The following NETO1 variants were observed in gnomAD, a reference collection of about 807,000 sequenced individuals.
NETO1 encodes the protein neuropilin and tolloid like 1.
NETO1 carries 26 observed loss-of-function variants against 61.3 expected under a neutral mutation model. The observed-to-expected ratio is 0.42, with a 90% CI of 0.31 to 0.59. NETO1 has a LOEUF of 0.59. NETO1 is among the 20% of genes least tolerant of loss of function. The pLI is 0.12. For synonymous variants in NETO1, 225 were observed against 225.8 expected (o/e 1.00, Z 0.03); for missense variants, 531 against 662.8 (o/e 0.80, Z 2.18).
intron 4 of NETO1, among the ~76,000 whole-genome samples, chr18:72,841,330 A>C (rs1244694146): frequency 1.3e-5 from 2 of 152,028 alleles, no homozygotes; most frequent in African/African-American, 2.4e-5. Context: ...GTGAGAGAAG[A>C]AGCTGCACAG....
chr18:72,751,076 C>A (rs191406009), intron 8 of NETO1, among the ~76,000 whole-genome samples: 3 of 151,886 alleles, frequency 2.0e-5, no homozygotes, highest in African/African-American at 7.2e-5. Context: ...CACACACACA[C>A]AATCTATCTA....
At chr18:72,793,282 A>G (rs1223449013) in intron 6 of NETO1, among the ~76,000 whole-genome samples, 3 of 152,162 alleles carry the variant, frequency 2.0e-5, no homozygotes, top group Non-Finnish European at 4.4e-5. Context: ...AAACCAAAAC[A>G]GGAGAATGAA....
intron 10 of NETO1, 30 bp downstream of exon 10, chr18:72,748,984 T>A: frequency 7.2e-7 from 1 of 1,394,024 alleles, no homozygotes; most frequent in Non-Finnish European, 1.0e-6. Context: ...TACGACAAAG[T>A]AGGAAAAGGA....
chr18:72,809,604 T>G (rs941274500), intron 4 of NETO1, among the ~76,000 whole-genome samples: 1 of 152,228 alleles, frequency 6.6e-6, no homozygotes, highest in Admixed American at 6.5e-5. Context: ...CTTCGATACA[T>G]GAATAAAAAT....
chr18:72,783,695 A>G lies in NETO1; in HGVS notation c.851T>C (p.Phe284Ser). 1 of 1,614,142 alleles carries G rather than the reference A, an allele frequency of 6.2e-7. No homozygotes were observed. The highest frequency in any genetic ancestry group is 8.5e-7 in the Non-Finnish European group (1 of 1,179,970). ...GSRNSRFQML[F>S]TSFQEPPCEG... The stretch of plus-strand genomic sequence containing the variant: ...AATCTTACGTTCTTGAAAGGATGTG[A>G]AGAGCATCTGAAATCGGCTGTTTCG... The change falls in exon 7 of 11, where the codon TTC becomes TCC. Residue 284 changes from phenylalanine (F) to serine (S), a missense_variant. By Grantham distance (155) the Phe-to-Ser change is radical. Coordinates refer to ENST00000327305, the MANE Select transcript of NETO1 (RefSeq NM_138966.5).
At chr18:72,815,964 C>T (rs2073019970) in intron 4 of NETO1, among the ~76,000 whole-genome samples, 2 of 152,100 alleles carry the variant, frequency 1.3e-5, no homozygotes, top group East Asian at 1.9e-4. Flanking sequence ...TGTCAAAAGT[C>T]TTCTCTTAGG....
intron 4 of NETO1, among the ~76,000 whole-genome samples, chr18:72,800,537 A>T (rs181711027): frequency 1.1e-4 from 17 of 152,290 alleles, no homozygotes; most frequent in African/African-American, 3.6e-4. Flanking sequence ...GCTCCCAGTG[A>T]TTCTACATTA....
chr18:72,788,973 G>C (rs2072017418), intron 6 of NETO1, among the ~76,000 whole-genome samples: 1 of 152,002 alleles, frequency 6.6e-6, no homozygotes. Flanking sequence ...AATTAAATCT[G>C]TCACAGTCTG....
intron 4 of NETO1, among the ~76,000 whole-genome samples, chr18:72,847,356 G>A (rs138020340): frequency 7.9e-5 from 12 of 152,322 alleles, no homozygotes; most frequent in African/African-American, 2.4e-4. Flanking sequence ...ACACATTGAA[G>A]CTGAATTTCA....
At chr18:72,861,543 T>C (rs2040411850) in intron 3 of NETO1, among the ~76,000 whole-genome samples, 2 of 152,232 alleles carry the variant, frequency 1.3e-5, no homozygotes, top group Non-Finnish European at 2.9e-5. Flanking sequence ...TCTCAACCAC[T>C]TTGAGAATCT....
intron 4 of NETO1, among the ~76,000 whole-genome samples, chr18:72,827,695 A>G (rs570427800): frequency 6.7e-6 from 1 of 148,150 alleles, no homozygotes; most frequent in East Asian, 2.0e-4. Flanking sequence ...CATCCTGGGC[A>G]ACCAAAGTGA....
At chr18:72,821,034 C>T (rs2073175708) in intron 4 of NETO1, among the ~76,000 whole-genome samples, 2 of 151,924 alleles carry the variant, frequency 1.3e-5, no homozygotes, top group South Asian at 4.2e-4. Context: ...ACCTTGAATA[C>T]ACAAAAGGCA....
intron 4 of NETO1, among the ~76,000 whole-genome samples, chr18:72,798,739 G>C (rs1225304930): frequency 6.6e-6 from 1 of 152,140 alleles, no homozygotes; most frequent in Non-Finnish European, 1.5e-5. Flanking sequence ...TTTGAAAAGG[G>C]TTAAAGACCC....
chr18:72,758,870 A>T (rs2070875357), intron 7 of NETO1, among the ~76,000 whole-genome samples: 1 of 152,086 alleles, frequency 6.6e-6, no homozygotes, highest in South Asian at 2.1e-4. Context: ...CAAACAAACA[A>T]AAAAGTAGCA....
chr18:72,795,269 C>T (rs921951212), intron 4 of NETO1, among the ~76,000 whole-genome samples: 2 of 152,052 alleles, frequency 1.3e-5, no homozygotes, highest in Non-Finnish European at 2.9e-5. Flanking sequence ...AAGTTTTCCT[C>T]GTAATAGAGA....
chr18:72,817,751 T>C (rs893828860), intron 4 of NETO1, among the ~76,000 whole-genome samples: 1 of 152,232 alleles, frequency 6.6e-6, no homozygotes, highest in African/African-American at 2.4e-5. Flanking sequence ...CAAGATTTGG[T>C]TGGAAAAATT....
intron 4 of NETO1, among the ~76,000 whole-genome samples, chr18:72,840,333 C>T (rs1004684167): frequency 6.9e-4 from 105 of 152,224 alleles, no homozygotes; most frequent in African/African-American, 2.4e-3. Flanking sequence ...GGGCTCACCA[C>T]AGTTCCTCCT....
chr18:72,765,040 A>G (rs1164325352), intron 7 of NETO1, among the ~76,000 whole-genome samples: 1 of 152,182 alleles, frequency 6.6e-6, no homozygotes, highest in Non-Finnish European at 1.5e-5. Flanking sequence ...GAAAGTATAA[A>G]TCAGGCCACA....
At chr18:72,820,434 T>C (rs1440285711) in intron 4 of NETO1, among the ~76,000 whole-genome samples, 1 of 152,224 alleles carries the variant, frequency 6.6e-6, no homozygotes, top group African/African-American at 2.4e-5. Flanking sequence ...CATAACTATA[T>C]TATAAAACCA....
Sources: gnomAD v4.1 joint callset for allele counts (sites outside exome capture counted in the v4.1 genomes callset) on GRCh38, gnomAD v4.1.1 for gene constraint, MANE v1.5 for transcripts, NCBI Gene and HGNC (gene_info 2026-07-23, HGNC 2026-07-21) for gene names.